Variants in MYO9A observed in about 807,000 individuals in gnomAD.
MYO9A encodes the protein myosin IXA.
Under a neutral mutation model 293.3 loss-of-function variants are expected in MYO9A, and 103 were observed. The observed-to-expected ratio is 0.35, with a 90% CI of 0.30 to 0.41. MYO9A has a LOEUF of 0.41. MYO9A is among the 10% of genes least tolerant of loss of function. The pLI is 1.00. For missense variants in MYO9A, 2,685 were observed against 3,033.0 expected (o/e 0.89, Z 2.69); for synonymous variants, 1,001 against 1,035.7 (o/e 0.97, Z 0.64).
chr15:71,870,457 C>T (rs1428161928), intron 32 of MYO9A, among the ~76,000 whole-genome samples: 1 of 152,078 alleles, frequency 6.6e-6, no homozygotes, highest in Non-Finnish European at 1.5e-5. Flanking sequence ...TAGGGGTATA[C>T]ATGTACATAT....
chr15:71,938,807 T>G (rs998323542), intron 16 of MYO9A, 45 bp downstream of exon 16: 3 of 1,459,364 alleles, frequency 2.1e-6, no homozygotes, highest in Non-Finnish European at 2.8e-6. Flanking sequence ...GAATGTTAGT[T>G]ATTTCTTCTA....
At chr15:71,897,400 C>A (rs898489677) in intron 25 of MYO9A, 61 bp downstream of exon 25, 8 of 1,486,826 alleles carry the variant, frequency 5.4e-6, no homozygotes, top group Non-Finnish European at 7.3e-6. Context: ...CAGAACAAGG[C>A]ACCTTAATAA....
chr15:71,849,979 T>C, intron 38 of MYO9A, 57 bp downstream of exon 38: 1 of 1,588,128 alleles, frequency 6.3e-7, no homozygotes, highest in Non-Finnish European at 8.6e-7. Flanking sequence ...CTGGATACAG[T>C]GACTACATAG....
At chr15:72,087,217 C>T (rs2079766306) in intron 1 of MYO9A, among the ~76,000 whole-genome samples, 1 of 152,202 alleles carries the variant, frequency 6.6e-6, no homozygotes, top group Non-Finnish European at 1.5e-5. Context: ...CAGACCAAAG[C>T]ATGCTCAGGT....
chr15:71,921,960 C>T (rs1241614996), intron 18 of MYO9A, among the ~76,000 whole-genome samples: 1 of 151,932 alleles, frequency 6.6e-6, no homozygotes, highest in Non-Finnish European at 1.5e-5. Context: ...ATGCTGCTTC[C>T]TGGCAATCTT....
chr15:71,866,028 A>C (rs2056312311), intron 32 of MYO9A, among the ~76,000 whole-genome samples: 1 of 152,222 alleles, frequency 6.6e-6, no homozygotes, highest in Non-Finnish European at 1.5e-5. Context: ...TATTTTTCTT[A>C]AACTATGAGT....
chr15:72,101,497 C>T (rs2080319740), intron 1 of MYO9A, among the ~76,000 whole-genome samples: 1 of 123,560 alleles, frequency 8.1e-6, no homozygotes, highest in Admixed American at 7.6e-5. Context: ...GCCAGCCGCC[C>T]CGTCCGGGAG....
intron 16 of MYO9A, 47 bp from the exon 17 acceptor site, chr15:71,935,531 C>T (rs779554946): frequency 5.9e-6 from 9 of 1,528,526 alleles, no homozygotes; most frequent in African/African-American, 1.4e-5. Context: ...GTCTCTAACA[C>T]TATACTGCTT....
chr15:71,905,036 C>T, intron 19 of MYO9A, 30 bp from the exon 20 acceptor site: 1 of 1,530,718 alleles, frequency 6.5e-7, no homozygotes, highest in Non-Finnish European at 8.9e-7. Context: ...AATTATCATA[C>T]TCTTCCATTC....
At position 71,967,607 on chromosome 15, in the gene MYO9A, C is replaced by T. The variant is rs561101248; in HGVS notation, c.1986+377G>A. On this transcript the variant is annotated intron_variant, in intron 13 of 41. Transcript: ENST00000356056. ...AGTTTCAATATATTCATGAAAAGTA[C>T]GAACTGACAAATCCCTAATGGTGAA... Among the ~76,000 whole-genome samples, 38 of 152,168 alleles carry T rather than the reference C, an allele frequency of 2.5e-4. No homozygotes were observed. In the South Asian group the frequency reaches 5.8e-3, roughly 23 times the overall value.
intron 18 of MYO9A, among the ~76,000 whole-genome samples, chr15:71,918,055 T>C (rs1157004696): frequency 6.6e-6 from 1 of 152,106 alleles, no homozygotes; most frequent in African/African-American, 2.4e-5. Flanking sequence ...GACAAGGCAA[T>C]TCTCAAAGTA....
At chr15:71,857,142 C>T (rs539672847) in intron 34 of MYO9A, among the ~76,000 whole-genome samples, 3 of 152,098 alleles carry the variant, frequency 2.0e-5, no homozygotes, top group East Asian at 3.9e-4. Flanking sequence ...TAACAAAATA[C>T]TTTTAGGTAT....
At chr15:71,852,055 C>A in intron 36 of MYO9A, 77 bp downstream of exon 36, 1 of 1,430,972 alleles carries the variant, frequency 7.0e-7, no homozygotes, top group Non-Finnish European at 9.4e-7. Context: ...TAGAGGATGG[C>A]TTGATAATCT....
chr15:72,069,923 G>A (rs1188708233), intron 1 of MYO9A, among the ~76,000 whole-genome samples: 3 of 150,960 alleles, frequency 2.0e-5, no homozygotes, highest in Non-Finnish European at 1.5e-5. Context: ...TTCGCAACCA[G>A]CCTAGGCAAC....
intron 18 of MYO9A, among the ~76,000 whole-genome samples, chr15:71,928,730 T>C (rs1325034031): frequency 6.6e-6 from 1 of 152,128 alleles, no homozygotes; most frequent in Non-Finnish European, 1.5e-5. Context: ...CCTTAATTTC[T>C]TTTTCAGATA....
chr15:71,841,796 T>C (rs556740875), intron 39 of MYO9A, among the ~76,000 whole-genome samples: 4 of 148,352 alleles, frequency 2.7e-5, no homozygotes, highest in Non-Finnish European at 5.9e-5. Flanking sequence ...CCACCAGGGG[T>C]AGTTTTTTTT....
chr15:71,878,139 T>G lies in MYO9A; in HGVS notation c.5832A>C (p.Ser1944=). The change falls in exon 31 of 42, where the codon TCA becomes TCC. Residue 1944 remains serine (S), a synonymous_variant. Transcript: ENST00000356056. ...EKTMRLEQRD[S]LGESPVRVWV... is the part of the protein sequence containing the mutation. Reference sequence around the variant, plus strand: ...AAACTCTCACTGGAGATTCACCCAGTGAATCACGCTGCTCAAGCCTCATCG... The same window carrying G: ...AAACTCTCACTGGAGATTCACCCAGGGAATCACGCTGCTCAAGCCTCATCG... The G allele has an allele frequency of 3.7e-6, 6 of 1,613,206 alleles. No homozygotes were observed. Among genetic ancestry groups the G allele is most frequent in the Non-Finnish European group, 5.1e-6 (6 of 1,179,650 alleles).
At chr15:72,042,407 T>G (rs1047585089) in intron 2 of MYO9A, among the ~76,000 whole-genome samples, 20 of 151,882 alleles carry the variant, frequency 1.3e-4, no homozygotes, top group African/African-American at 4.8e-4. Context: ...GTTTAAAATA[T>G]AATCATCTCA....
At position 71,907,358 on chromosome 15, in the gene MYO9A, G is replaced by A. The variant is rs1596161411; in HGVS notation, c.2686-2352C>T. On this transcript the variant is annotated intron_variant, in intron 19 of 41. Transcript: ENST00000356056. ...CAGTCTATCATTGTTGGACATTTGG[G>A]TTGGTTCCAAGTCTTTGCTATTGTG... Among the ~76,000 whole-genome samples the A allele has an allele frequency of 4.2e-5, 6 of 143,376 alleles. No homozygotes were observed. The South Asian group carries it at 9.7e-4, about 23-fold the overall frequency. The allele number at this position is 143,376 out of a possible 152,430, so 94.1% of individuals were successfully genotyped here. A position where few individuals can be genotyped will look rare whatever the true frequency, so the allele number is the denominator to read the frequency against.
Sources: gnomAD v4.1 joint callset for allele counts (sites outside exome capture counted in the v4.1 genomes callset) on GRCh38, gnomAD v4.1.1 for gene constraint, MANE v1.5 for transcripts, NCBI Gene and HGNC (gene_info 2026-07-23, HGNC 2026-07-21) for gene names.